The following PCDHGB4 variants were observed in gnomAD, a reference collection of about 807,000 sequenced individuals.
PCDHGB4 encodes protocadherin gamma subfamily B, 4.
In PCDHGB4, 38 loss-of-function variants were observed where a neutral mutation model predicts 60.5. The ratio of observed to expected loss-of-function variants is 0.63; its 90% CI spans 0.48 to 0.82. PCDHGB4 has a LOEUF of 0.82. Among genes scored for constraint, PCDHGB4 ranks in the 40% least tolerant of loss-of-function variants. The probability of loss-of-function intolerance (pLI) is 0.00; values close to 1 mark genes in which losing one functional copy is unlikely to be tolerated. For missense variants in PCDHGB4, 1,109 were observed against 1,209.6 expected, an observed-to-expected ratio of 0.92 and a Z score of 1.23; for synonymous variants, 456 against 509.7, an observed-to-expected ratio of 0.89 and a Z score of 1.42.
chr5:141,440,564 A>G (rs531383065), intron 1 of PCDHGB4: 1 of 152,248 alleles, frequency 6.6e-6, no homozygotes, highest in Admixed American at 6.5e-5. Context: ...TAAGTTACGT[A>G]TCTCTGAGTT....
intron 1 of PCDHGB4, among the ~76,000 whole-genome samples, chr5:141,450,547 C>T (rs182695399): frequency 3.4e-4 from 51 of 150,496 alleles, no homozygotes; most frequent in African/African-American, 1.0e-3. Context: ...AATGCAGTGG[C>T]GCAGTCTCGG....
chr5:141,459,613 C>A (rs1040874685), intron 1 of PCDHGB4, among the ~76,000 whole-genome samples: 1 of 152,188 alleles, frequency 6.6e-6, no homozygotes, highest in African/African-American at 2.4e-5. Context: ...ATATGCTTAA[C>A]TTTATAAGAA....
chr5:141,484,004 G>C (rs1042457090), intron 1 of PCDHGB4, among the ~76,000 whole-genome samples: 5 of 146,164 alleles, frequency 3.4e-5, no homozygotes, highest in Non-Finnish European at 4.5e-5. Flanking sequence ...AGGTCTGGAT[G>C]AGGGTGGGGG....
chr5:141,398,557 G>A, intron 1 of PCDHGB4: 1 of 1,613,916 alleles, frequency 6.2e-7, no homozygotes. Flanking sequence ...GCAAATAAGT[G>A]AGTCTGCACA....
rs774071540 is a variant in PCDHGB4, at chr5:141,511,042, G to A, written c.2641G>A (p.Asp881Asn). 8 of 1,614,064 alleles carry A rather than the reference G, an allele frequency of 5.0e-6. No homozygotes were observed. Among genetic ancestry groups the A allele is most frequent in the Non-Finnish European group, 6.8e-6 (8 of 1,180,016 alleles). Residue 881 changes from aspartate to asparagine, a missense_variant, in exon 4 of 4, where the codon GAC becomes AAC. Physicochemically the swap from Asp to Asn is conservative, Grantham distance 23. Coordinates refer to ENST00000519479, the MANE Select transcript of PCDHGB4 (RefSeq NM_003736.4). Reference sequence around the variant, plus strand: ...CCAGTTCACCCTGCAGCACGTGCCCGACTACCGCCAGAATGTCTACATCCC... The same window carrying A: ...CCAGTTCACCCTGCAGCACGTGCCCAACTACCGCCAGAATGTCTACATCCC... ...GPQFTLQHVPDYRQNVYIPGS... is the reference protein window; with the variant it reads ...GPQFTLQHVPNYRQNVYIPGS...
chr5:141,415,977 C>A (rs1479258110), intron 1 of PCDHGB4: 2 of 354,488 alleles, frequency 5.6e-6, no homozygotes, highest in Non-Finnish European at 9.4e-6. Context: ...CCTTAAGCAA[C>A]CCTCTTGTTC....
Position 141,432,201 on chromosome 5 carries a change from G to T in PCDHGB4, c.2397+41920G>T, listed in dbSNP as rs761075658. On this transcript the variant is annotated intron_variant, in intron 1 of 3. Transcript: ENST00000519479. This position sits in a 1 kb window ranked among gnomAD's most constrained non-coding sequence, Gnocchi z 6.0. ...TCTGTGACCGCCCACGACCCCGACT[G>T]TGAAGAGAACGCCCAGATCACTTAT... 1.8e-5 allele frequency: 29 copies of T among 1,614,092 alleles called. No homozygotes were observed. The South Asian group carries it at 2.9e-4, about 16-fold the overall frequency.
At chr5:141,409,235 C>A (rs1471024804) in intron 1 of PCDHGB4, 1 of 1,613,832 alleles carries the variant, frequency 6.2e-7, no homozygotes, top group East Asian at 2.2e-5. Context: ...CGACAACAGC[C>A]CAGAAATAAT....
At chr5:141,415,347 C>G in intron 1 of PCDHGB4, 1 of 1,614,238 alleles carries the variant, frequency 6.2e-7, no homozygotes, top group South Asian at 1.1e-5. Flanking sequence ...GGCGCTGGCA[C>G]AAGTCACGCC....
chr5:141,510,229 C>T (rs904367594), intron 3 of PCDHGB4, among the ~76,000 whole-genome samples: 3 of 150,486 alleles, frequency 2.0e-5, no homozygotes, highest in African/African-American at 7.4e-5. Context: ...GCCGGGATCG[C>T]GCCACTGCAC....
chr5:141,414,415 C>A (rs769791452), intron 1 of PCDHGB4: 1 of 1,613,876 alleles, frequency 6.2e-7, no homozygotes, highest in Admixed American at 1.7e-5. Context: ...ACACAGAGCC[C>A]TTGACAGGGA....
rs568542355 is a variant in PCDHGB4, at chr5:141,431,678, T to C, written c.2397+41397T>C. 4 of 1,614,084 alleles carry C rather than the reference T, an allele frequency of 2.5e-6. No individual in the cohort carries two copies. Among genetic ancestry groups the C allele is most frequent in the African/African-American group, 2.7e-5 (2 of 75,012 alleles). ...AGGGACAATATCAACAATAGGGGAG[T>C]TGGACCACGAGGAGTCAGGATTCTA... On this transcript the variant is annotated intron_variant, in intron 1 of 3. Transcript: ENST00000519479. The surrounding 1 kb of genome is among the most constrained non-coding windows in gnomAD (Gnocchi z 4.8).
chr5:141,396,893 A>G (rs1441946913), intron 1 of PCDHGB4, among the ~76,000 whole-genome samples: 2 of 152,226 alleles, frequency 1.3e-5, no homozygotes, highest in Non-Finnish European at 1.5e-5. Flanking sequence ...AGGACAACAT[A>G]TTATTGGCAC....
At chr5:141,405,156 T>C in intron 1 of PCDHGB4, 1 of 1,614,042 alleles carries the variant, frequency 6.2e-7, no homozygotes, top group Non-Finnish European at 8.5e-7. Flanking sequence ...TTGGCTGGTG[T>C]GCCCACCTCA....
intron 1 of PCDHGB4, among the ~76,000 whole-genome samples, chr5:141,450,776 C>T (rs757791026): frequency 4.0e-5 from 6 of 151,440 alleles, no homozygotes; most frequent in Non-Finnish European, 8.8e-5. Context: ...CATGAGCCAC[C>T]GTGCCCGGAC....
chr5:141,510,880 G>T (rs373993657), intron 3 of PCDHGB4, 67 bp from the exon 4 acceptor site: 1 of 1,611,902 alleles, frequency 6.2e-7, no homozygotes. Context: ...AACTGCTGGG[G>T]ATATAAGACA....
At chr5:141,428,088 C>G (rs761980796) in intron 1 of PCDHGB4, 5 of 1,608,920 alleles carry the variant, frequency 3.1e-6, no homozygotes, top group Non-Finnish European at 4.2e-6. Context: ...CAACGCTTGG[C>G]TGTCCTACCA....
chr5:141,485,682 A>G lies in PCDHGB4; in HGVS notation c.2398-9125A>G, dbSNP rs779441999. Reference sequence around the variant, plus strand: ...GTGGGGAGCAATTCGATTAGCAGCTATAGGCTGAGCTCCAATGAACACTTT... The same window carrying G: ...GTGGGGAGCAATTCGATTAGCAGCTGTAGGCTGAGCTCCAATGAACACTTT... On this transcript the variant is annotated intron_variant, in intron 1 of 3. Coordinates refer to ENST00000519479, the MANE Select transcript of PCDHGB4 (RefSeq NM_003736.4). This position sits in a 1 kb window ranked among gnomAD's most constrained non-coding sequence, Gnocchi z 5.7. 6.2e-7 allele frequency: 1 copy of G among 1,614,076 alleles called. No homozygotes were observed. Among genetic ancestry groups the G allele is most frequent in the Non-Finnish European group, 8.5e-7 (1 of 1,179,964 alleles).
intron 1 of PCDHGB4, among the ~76,000 whole-genome samples, chr5:141,468,788 C>T (rs2099179417): frequency 6.6e-6 from 1 of 151,926 alleles, no homozygotes; most frequent in Admixed American, 6.6e-5. Context: ...ATGGCGTGAA[C>T]CCGGGAGGCG....
Sources: allele counts gnomAD v4.1 joint callset (sites outside exome capture counted in the v4.1 genomes callset), GRCh38; gene constraint gnomAD v4.1.1; non-coding constraint Gnocchi (gnomAD v3.1); transcripts MANE v1.5; gene names NCBI Gene and HGNC (gene_info 2026-07-23, HGNC 2026-07-21).